Variants in SYN2 observed in about 807,000 individuals in gnomAD.
SYN2 encodes the protein synapsin-2.
In SYN2, 19 loss-of-function variants were observed where a neutral mutation model predicts 50.9. The ratio of observed to expected loss-of-function variants is 0.37; its 90% CI spans 0.26 to 0.55. The LOEUF (loss-of-function observed/expected upper bound fraction) is 0.55, where lower values mean the gene tolerates loss of function less well. Among genes scored for constraint, SYN2 ranks in the 20% least tolerant of loss-of-function variants. The pLI, the probability that SYN2 is intolerant of heterozygous loss-of-function variation, is 0.81. For synonymous variants in SYN2, 255 were observed against 224.9 expected (o/e 1.13, Z -1.20); for missense variants, 587 against 576.4 (o/e 1.02, Z -0.19).
chr3:12,191,668 T>G lies in SYN2; in HGVS notation c.*1043T>G, dbSNP rs936232490. ...CTGTCTCCTCCAAGACACCTAGCCTTCCTTCAGCAACTCAGCGTTTCTACC... is the reference window on the plus strand; with the variant it reads ...CTGTCTCCTCCAAGACACCTAGCCTGCCTTCAGCAACTCAGCGTTTCTACC... On this transcript the variant is annotated 3_prime_UTR_variant, in exon 13 of 13. Coordinates refer to ENST00000621198, the MANE Select transcript of SYN2 (RefSeq NM_133625.6). Among the ~76,000 whole-genome samples the G allele has an allele frequency of 2.6e-5, 4 of 152,180 alleles. No individual in the cohort carries two copies. The highest frequency in any genetic ancestry group is 4.4e-5 in the Non-Finnish European group (3 of 68,022).
At chr3:12,181,719 G>T (rs551029078) in intron 10 of SYN2, among the ~76,000 whole-genome samples, 5 of 152,188 alleles carry the variant, frequency 3.3e-5, no homozygotes, top group Non-Finnish European at 7.4e-5. Context: ...AGATTGGAAA[G>T]AAAAAGATGA....
At chr3:12,055,881 C>T (rs1694978174) in intron 1 of SYN2, among the ~76,000 whole-genome samples, 1 of 152,184 alleles carries the variant, frequency 6.6e-6, no homozygotes, top group Non-Finnish European at 1.5e-5. Context: ...TGAACATCAA[C>T]AGCTGTTAAT....
intron 4 of SYN2, among the ~76,000 whole-genome samples, chr3:12,148,008 G>A (rs1056595507): frequency 6.6e-5 from 10 of 152,132 alleles, no homozygotes; most frequent in African/African-American, 2.2e-4. Flanking sequence ...CAGCAACTTA[G>A]GTGGCTGAGG....
intron 1 of SYN2, among the ~76,000 whole-genome samples, chr3:12,036,446 A>G (rs904722037): frequency 6.6e-6 from 1 of 152,166 alleles, no homozygotes; most frequent in Non-Finnish European, 1.5e-5. Flanking sequence ...TTTACCATTT[A>G]TGCCCTATGG....
chr3:12,088,838 C>G (rs568341997), intron 1 of SYN2, among the ~76,000 whole-genome samples: 2 of 152,052 alleles, frequency 1.3e-5, no homozygotes, highest in East Asian at 3.9e-4. Context: ...AAAGTTGAAC[C>G]CATAGAAGGA....
At chr3:12,048,631 A>G (rs1271498641) in intron 1 of SYN2, among the ~76,000 whole-genome samples, 5 of 152,234 alleles carry the variant, frequency 3.3e-5, no homozygotes, top group African/African-American at 1.2e-4. Context: ...TGTGATAGGT[A>G]GATAGTGGAT....
At chr3:12,050,386 C>T (rs894169895) in intron 1 of SYN2, among the ~76,000 whole-genome samples, 3 of 149,214 alleles carry the variant, frequency 2.0e-5, no homozygotes, top group African/African-American at 7.4e-5. Flanking sequence ...TGCTCTGTCC[C>T]CCAGGCTGGA....
intron 1 of SYN2, among the ~76,000 whole-genome samples, chr3:12,011,493 C>G (rs1038208712): frequency 6.6e-6 from 1 of 152,184 alleles, no homozygotes; most frequent in African/African-American, 2.4e-5. Context: ...TGCTGCATGA[C>G]TAAGAATAGG....
chr3:12,091,562 A>G (rs1695829039), intron 1 of SYN2, among the ~76,000 whole-genome samples: 1 of 152,198 alleles, frequency 6.6e-6, no homozygotes, highest in Non-Finnish European at 1.5e-5. Flanking sequence ...GATCACATCC[A>G]ATATTAGCAG....
chr3:12,140,042 G>A lies in SYN2; in HGVS notation c.378-609G>A, dbSNP rs184238470. On this transcript the variant is annotated intron_variant, in intron 1 of 12. Coordinates refer to ENST00000621198, the MANE Select transcript of SYN2 (RefSeq NM_133625.6). ...TTTTCTTGACTGCTCAGAAATGTGG[G>A]CTAAGTTTTGTGTTCAAATGCAATG... Among the ~76,000 whole-genome samples the A allele has an allele frequency of 2.8e-4, 42 of 152,270 alleles. 1 individual carries two copies. Among genetic ancestry groups the A allele is most frequent in the Middle Eastern group, 3.4e-3 (1 of 294 alleles).
intron 1 of SYN2, among the ~76,000 whole-genome samples, chr3:12,040,430 CTTTT>C (rs34991752): frequency 2.7e-5 from 3 of 109,250 alleles, no homozygotes; most frequent in Non-Finnish European, 1.9e-5. Context: ...AGTTCTGTTT[CTTTT>C]TTTTTTTTTT....
intron 1 of SYN2, among the ~76,000 whole-genome samples, chr3:12,063,558 A>C (rs1695154883): frequency 6.6e-6 from 1 of 152,058 alleles, no homozygotes; most frequent in South Asian, 2.1e-4. Flanking sequence ...TAAACATGGG[A>C]AAAGGCTAGA....
intron 6 of SYN2, 59 bp downstream of exon 6, chr3:12,161,667 C>A: frequency 6.3e-7 from 1 of 1,579,884 alleles, no homozygotes; most frequent in Non-Finnish European, 8.7e-7. Flanking sequence ...GTTTTCAGAG[C>A]GCCCATTTGT....
At chr3:12,121,336 A>G (rs1696553136) in intron 1 of SYN2, among the ~76,000 whole-genome samples, 1 of 152,240 alleles carries the variant, frequency 6.6e-6, no homozygotes, top group South Asian at 2.1e-4. Flanking sequence ...ATCTAGCAGC[A>G]TCTCACTTAT....
chr3:12,091,186 C>T (rs1221445030), intron 1 of SYN2, among the ~76,000 whole-genome samples: 1 of 152,112 alleles, frequency 6.6e-6, no homozygotes, highest in Non-Finnish European at 1.5e-5. Flanking sequence ...GGGCTCATTA[C>T]AACTATATAC....
Position 12,107,933 on chromosome 3 carries a change from G to A in SYN2, c.378-32718G>A, listed in dbSNP as rs548492506. 2.2e-3 allele frequency among the ~76,000 whole-genome samples: 337 copies of A among 152,252 alleles called. 1 individual carries two copies. The highest frequency in any genetic ancestry group is 7.7e-3 in the African/African-American group (318 of 41,546). ...CTGATTTAAGAAAGTAAGGCCAGCC[G>A]TGCATGGTGGTTTATGCCTGTAATC... On this transcript the variant is annotated intron_variant, in intron 1 of 12. Transcript: ENST00000621198.
intron 1 of SYN2, among the ~76,000 whole-genome samples, chr3:12,133,856 T>C (rs1181911292): frequency 6.6e-6 from 1 of 152,194 alleles, no homozygotes; most frequent in Non-Finnish European, 1.5e-5. Context: ...GGTGAGACAA[T>C]GGCATGGCAC....
chr3:12,182,727 C>A (rs1318700595), intron 10 of SYN2, among the ~76,000 whole-genome samples: 1 of 152,250 alleles, frequency 6.6e-6, no homozygotes, highest in Non-Finnish European at 1.5e-5. Context: ...TCTCCTGAGT[C>A]AGGCCTAGAA....
intron 1 of SYN2, among the ~76,000 whole-genome samples, chr3:12,061,925 T>C (rs931881412): frequency 6.6e-6 from 1 of 152,056 alleles, no homozygotes; most frequent in African/African-American, 2.4e-5. Flanking sequence ...GACTCAATAT[T>C]GTTAAGATGT....
Sources: gnomAD v4.1 joint callset for allele counts (sites outside exome capture counted in the v4.1 genomes callset) on GRCh38, gnomAD v4.1.1 for gene constraint, MANE v1.5 for transcripts, NCBI Gene and HGNC (gene_info 2026-07-23, HGNC 2026-07-21) for gene names.